Variants in SEMA5A observed in about 807,000 individuals in gnomAD.
SEMA5A encodes the protein semaphorin-5A.
In SEMA5A, 55 loss-of-function variants were observed where a neutral mutation model predicts 135.5. The observed-to-expected ratio is 0.41, with a 90% CI of 0.33 to 0.51. The LOEUF is 0.51. Ranked by LOEUF, SEMA5A falls within the 20% of genes least tolerant of loss-of-function variation. SEMA5A has a pLI of 0.37. For synonymous variants in SEMA5A, 580 were observed against 546.5 expected (o/e 1.06, Z -0.85); for missense variants, 1,290 against 1,419.9 (o/e 0.91, Z 1.47).
intron 15 of SEMA5A, among the ~76,000 whole-genome samples, chr5:9,115,036 C>T (rs1294777437): frequency 2.6e-5 from 4 of 152,130 alleles, no homozygotes; most frequent in African/African-American, 9.7e-5. Flanking sequence ...CTCAGCAGCA[C>T]CCCAAGGTAG....
intron 2 of SEMA5A, among the ~76,000 whole-genome samples, chr5:9,419,295 C>T (rs1033071232): frequency 1.3e-5 from 2 of 152,014 alleles, no homozygotes; most frequent in South Asian, 2.1e-4. Context: ...AGCATGTGGT[C>T]GATCTTAGAA....
At chr5:9,043,084 G>C (rs1402413307) in intron 22 of SEMA5A, 68 bp from the exon 23 acceptor site, 4 of 1,356,580 alleles carry the variant, frequency 2.9e-6, no homozygotes, top group Non-Finnish European at 4.1e-6. Context: ...AATATAACAA[G>C]GATGACTATT....
intron 3 of SEMA5A, among the ~76,000 whole-genome samples, chr5:9,341,974 A>G (rs1367730570): frequency 6.6e-6 from 1 of 152,048 alleles, no homozygotes; most frequent in Non-Finnish European, 1.5e-5. Flanking sequence ...TTACAACTTC[A>G]AGAAACGATT....
In SEMA5A at chr5:9,041,189, T is replaced by G. The variant is rs916836723; in HGVS notation, c.*1708A>C. ...GAGAATATTTTGAACTCAACAATAT[T>G]CATTATTAAACATAGAATTCTTCTA... On this transcript the variant is annotated 3_prime_UTR_variant, in exon 23 of 23. Transcript: ENST00000382496. 6.6e-6 allele frequency: 1 copy of G among 152,236 alleles called. No homozygotes were observed. Among genetic ancestry groups the G allele is most frequent in the Non-Finnish European group, 1.5e-5 (1 of 68,044 alleles). The allele number at this position is 152,236 out of a possible 1,614,324, so 9.4% of individuals were successfully genotyped here.
intron 2 of SEMA5A, among the ~76,000 whole-genome samples, chr5:9,408,447 T>C (rs1230269618): frequency 1.3e-5 from 2 of 152,190 alleles, no homozygotes; most frequent in Admixed American, 6.5e-5. Flanking sequence ...GTTACCAACT[T>C]ATTAAGTCAA....
chr5:9,379,930 A>G lies in SEMA5A; in HGVS notation c.17T>C (p.Val6Ala). The G allele has an allele frequency of 6.2e-7, 1 of 1,612,402 alleles. No individual in the cohort carries two copies. The highest frequency in any genetic ancestry group is 8.5e-7 in the Non-Finnish European group (1 of 1,179,110). ...CAGGCTTGAGAACAGCCATGCTATA[A>G]CACAGGTTCCCTTCATGGTGGGCAA... MKGTC[V>A]IAWLFSSLGL... Residue 6 changes from valine (V) to alanine (A), a missense_variant, in exon 3 of 23, where the codon GTT (valine) becomes GCT (alanine). This residue lies in a region of SEMA5A where 116 missense variants were observed against 121.3 expected (regional missense o/e 0.96). Transcript: ENST00000382496.
chr5:9,101,123 A>G (rs1321725569), intron 16 of SEMA5A, among the ~76,000 whole-genome samples: 1 of 152,178 alleles, frequency 6.6e-6, no homozygotes, highest in Non-Finnish European at 1.5e-5. Flanking sequence ...TTTAGTTAGA[A>G]CCATTCACTT....
chr5:9,319,255 G>T (rs1752522698), intron 4 of SEMA5A, among the ~76,000 whole-genome samples: 1 of 151,998 alleles, frequency 6.6e-6, no homozygotes, highest in Admixed American at 6.6e-5. Context: ...CATTATATAG[G>T]ATTTGGTTTA....
intron 3 of SEMA5A, 70 bp from the exon 4 acceptor site, chr5:9,337,882 G>T: frequency 9.7e-7 from 1 of 1,028,278 alleles, no homozygotes; most frequent in African/African-American, 1.6e-5. Context: ...CACAGATAGT[G>T]CACATCAGGT....
chr5:9,184,562 A>G (rs547457939), intron 11 of SEMA5A, among the ~76,000 whole-genome samples: 24 of 152,230 alleles, frequency 1.6e-4, no homozygotes, highest in African/African-American at 3.9e-4. Context: ...TTCCACCTTA[A>G]TCACTGCAAA....
At position 9,112,670 on chromosome 5, in the gene SEMA5A, G is replaced by A. The variant is rs540047661; in HGVS notation, c.1926-4383C>T. Among the ~76,000 whole-genome samples, 54 of 152,204 alleles carry A rather than the reference G, an allele frequency of 3.5e-4. 1 individual carries two copies. Among genetic ancestry groups the A allele is most frequent in the African/African-American group, 1.1e-3 (44 of 41,500 alleles). On this transcript the variant is annotated intron_variant, in intron 15 of 22. Transcript: ENST00000382496. ...ACTTAATAAAAACCATTGAGCCCTG[G>A]GACTCTTAACTTTGAGAATGCATTG...
At chr5:9,046,785 G>T (rs1190199465) in intron 21 of SEMA5A, among the ~76,000 whole-genome samples, 2 of 152,154 alleles carry the variant, frequency 1.3e-5, no homozygotes, top group Non-Finnish European at 2.9e-5. Flanking sequence ...GCCCCTTCGG[G>T]TGCATGGACA....
intron 8 of SEMA5A, among the ~76,000 whole-genome samples, chr5:9,218,974 G>A (rs1246166515): frequency 3.3e-5 from 5 of 152,222 alleles, no homozygotes; most frequent in Admixed American, 2.6e-4. Context: ...CTGACTATGT[G>A]CCAGACACTA....
At chr5:9,521,465 A>T (rs891187655) in intron 1 of SEMA5A, among the ~76,000 whole-genome samples, 1 of 150,022 alleles carries the variant, frequency 6.7e-6, no homozygotes, top group African/African-American at 2.5e-5. Flanking sequence ...TTATCTTGTT[A>T]AAAAAAGATG....
intron 5 of SEMA5A, among the ~76,000 whole-genome samples, chr5:9,285,811 C>T (rs144749080): frequency 6.6e-6 from 1 of 152,224 alleles, no homozygotes; most frequent in Non-Finnish European, 1.5e-5. Flanking sequence ...CCCAAATGTT[C>T]TGGTGATGGC....
chr5:9,500,983 T>G (rs1381777219), intron 1 of SEMA5A, among the ~76,000 whole-genome samples: 1 of 152,184 alleles, frequency 6.6e-6, no homozygotes. Context: ...AATATCCTAG[T>G]GGAAGAATTA....
chr5:9,131,790 T>G (rs1004756504), intron 13 of SEMA5A, among the ~76,000 whole-genome samples: 1 of 151,954 alleles, frequency 6.6e-6, no homozygotes, highest in African/African-American at 2.4e-5. Context: ...GGGATCACAT[T>G]TCAACATCAT....
At chr5:9,370,342 A>T (rs1175073765) in intron 3 of SEMA5A, among the ~76,000 whole-genome samples, 2 of 152,196 alleles carry the variant, frequency 1.3e-5, no homozygotes, top group Non-Finnish European at 2.9e-5. Context: ...TCAAGGTAGG[A>T]TGGGTCAAAT....
At chr5:9,451,431 A>G (rs1758640934) in intron 1 of SEMA5A, among the ~76,000 whole-genome samples, 1 of 152,204 alleles carries the variant, frequency 6.6e-6, no homozygotes, top group South Asian at 2.1e-4. Context: ...TTTTCAGGGT[A>G]CGCTGGAAGA....
Sources: gnomAD v4.1 joint callset for allele counts (sites outside exome capture counted in the v4.1 genomes callset) on GRCh38, gnomAD v4.1.1 for gene constraint, gnomAD v4.1.1 regional missense constraint, MANE v1.5 for transcripts, NCBI Gene and HGNC (gene_info 2026-07-23, HGNC 2026-07-21) for gene names.